ATG7: variants seen among roughly 807,000 people sequenced by gnomAD.
ATG7 encodes the protein autophagy related 7.
ATG7 carries 70 observed loss-of-function variants against 82.4 expected under a neutral mutation model. That is an observed-to-expected ratio of 0.85 (90% CI 0.70 to 1.04). ATG7 has a LOEUF of 1.04. ATG7 is among the 50% of genes least tolerant of loss of function. The probability of loss-of-function intolerance (pLI) is 0.00; values close to 1 mark genes in which losing one functional copy is unlikely to be tolerated. For synonymous variants in ATG7, 287 were observed against 313.0 expected, an observed-to-expected ratio of 0.92 and a Z score of 0.88; for missense variants, 792 against 864.3, an observed-to-expected ratio of 0.92 and a Z score of 1.05.
rs1270261408 is a variant in ATG7, at chr3:11,362,851, G to A, written c.1722G>A (p.Val574=). 6.2e-7 allele frequency: 1 copy of A among 1,614,114 alleles called. No homozygotes were observed. Among genetic ancestry groups the A allele is most frequent in the Admixed American group, 1.7e-5 (1 of 60,016 alleles). The stretch of plus-strand genomic sequence containing the variant: ...GGACCTTGGACCAGCAGTGCACTGT[G>A]AGTCGTCCAGGACTGGCCGTGATTG... The part of the protein sequence containing the change: ...RDRTLDQQCT[V]SRPGLAVIAG... Residue 574 remains valine (V), a synonymous_variant, in exon 17 of 21, where the codon GTG becomes GTA. Transcript: ENST00000693202.
rs146512941 is a variant in ATG7, at chr3:11,540,338, T to C, written c.2080-14473T>C. On this transcript the variant is annotated intron_variant, in intron 20 of 20. Transcript: ENST00000693202. ...CTCTGATGGGGAACATCTTTTCATG[T>C]ATTTATTTGCCACCTGTAGATCTTC... is the stretch of plus-strand genomic sequence containing the variant. 2.8e-3 allele frequency among the ~76,000 whole-genome samples: 429 copies of C among 152,322 alleles called. 1 individual carries two copies. Among genetic ancestry groups the C allele is most frequent in the African/African-American group, 9.8e-3 (408 of 41,570 alleles).
rs759619645 is a variant in ATG7 at position 11,340,774 on chromosome 3, G to C, written c.980+39G>C. The C allele has an allele frequency of 8.4e-5, 132 of 1,573,276 alleles. 4 individuals are homozygous for C. In the South Asian group the frequency reaches 1.4e-3, roughly 17 times the overall value. On this transcript the variant is annotated intron_variant, in intron 12 of 20. Transcript: ENST00000693202. Reference sequence around the variant, plus strand: ...GCTGTTTTCTCCAGTCGGGCTTTTTGTAACCAAGACACACACCAAGTTCTG... The same window carrying C: ...GCTGTTTTCTCCAGTCGGGCTTTTTCTAACCAAGACACACACCAAGTTCTG...
rs188223407 is a variant in ATG7 at position 11,352,333 on chromosome 3, G to A, written c.1284+4298G>A. 2.6e-3 allele frequency among the ~76,000 whole-genome samples: 397 copies of A among 152,290 alleles called. 1 individual carries two copies. The highest frequency in any genetic ancestry group is 9.1e-3 in the African/African-American group (377 of 41,560). ...ACATATGTGTGCATGTGTCTTTATA[G>A]CAGCATGATTTATAATTCTTTGGGT... On this transcript the variant is annotated intron_variant, in intron 14 of 20. Coordinates refer to ENST00000693202, the MANE Select transcript of ATG7 (RefSeq NM_001349232.2).
At chr3:11,494,274 T>C (rs144020423) in intron 20 of ATG7, among the ~76,000 whole-genome samples, 1,724 of 152,190 alleles carry the variant, frequency 0.011, 30 homozygotes, top group African/African-American at 0.039. Context: ...GAAGAGGAGT[T>C]GGTCAACAGG....
chr3:11,283,864 G>A (rs574239556), intron 3 of ATG7, among the ~76,000 whole-genome samples: 26 of 152,188 alleles, frequency 1.7e-4, no homozygotes, highest in African/African-American at 5.1e-4. Flanking sequence ...CCCGGTAGAC[G>A]GAGGTTGCAG....
At chr3:11,521,575 C>T (rs1342317774) in intron 20 of ATG7, among the ~76,000 whole-genome samples, 4 of 146,674 alleles carry the variant, frequency 2.7e-5, no homozygotes, top group Admixed American at 6.8e-5. Context: ...TTTTTTAAGA[C>T]GGAGTCTCGC....
chr3:11,509,433 T>C (rs2091930055), intron 20 of ATG7, among the ~76,000 whole-genome samples: 1 of 152,004 alleles, frequency 6.6e-6, no homozygotes, highest in Non-Finnish European at 1.5e-5. Flanking sequence ...GAGCTCCTGA[T>C]GGCCAGCCAC....
intron 18 of ATG7, among the ~76,000 whole-genome samples, chr3:11,377,401 C>T (rs1407106769): frequency 1.3e-5 from 2 of 152,132 alleles, no homozygotes; most frequent in African/African-American, 2.4e-5. Flanking sequence ...CAACCAATAC[C>T]GTGCACGGCA....
chr3:11,343,263 A>C (rs923199691), intron 13 of ATG7, among the ~76,000 whole-genome samples: 1 of 152,178 alleles, frequency 6.6e-6, no homozygotes, highest in Non-Finnish European at 1.5e-5. Context: ...CCTTCCAAAA[A>C]TGTTACACAT....
intron 13 of ATG7, 83 bp downstream of exon 13, chr3:11,342,362 C>T: frequency 6.8e-7 from 1 of 1,466,522 alleles, no homozygotes; most frequent in Non-Finnish European, 9.1e-7. Context: ...TGCCTTCCAT[C>T]TCCCAGCTCC....
intron 20 of ATG7, among the ~76,000 whole-genome samples, chr3:11,535,672 CCT>C (rs2070208623): frequency 1.3e-5 from 2 of 152,018 alleles, no homozygotes; most frequent in Admixed American, 6.6e-5. Flanking sequence ...AGGGCTCGGC[CCT>C]CTCTCTTTTC....
At chr3:11,499,180 C>T (rs2091117266) in intron 20 of ATG7, among the ~76,000 whole-genome samples, 1 of 152,152 alleles carries the variant, frequency 6.6e-6, no homozygotes, top group Non-Finnish European at 1.5e-5. Flanking sequence ...CAGTTATTTA[C>T]TAATGGGCTG....
chr3:11,510,373 G>T (rs1458723637), intron 20 of ATG7: 2 of 400,552 alleles, frequency 5.0e-6, no homozygotes, highest in East Asian at 8.1e-5. Flanking sequence ...GTTTGTCCCT[G>T]CCCCAGTTTA....
rs554172389 is a variant in ATG7, at chr3:11,382,620, A to C, written c.1956+2568A>C. Among the ~76,000 whole-genome samples the C allele has an allele frequency of 3.3e-5, 5 of 152,290 alleles. 1 individual carries two copies. The highest frequency in any genetic ancestry group is 1.2e-4 in the African/African-American group (5 of 41,554). On this transcript the variant is annotated intron_variant, in intron 19 of 20. Coordinates refer to ENST00000693202, the MANE Select transcript of ATG7 (RefSeq NM_001349232.2). ...TTGACGTTTATATGAGTTGCTCTTT[A>C]CTTCTACAAAGAAATTCCAAGCTAA...
chr3:11,553,400 G>T lies in ATG7; in HGVS notation c.2080-1411G>T, dbSNP rs562438742. Among the ~76,000 whole-genome samples, 11 of 147,238 alleles carry T rather than the reference G, an allele frequency of 7.5e-5. No individual in the cohort carries two copies. The East Asian group carries it at 2.3e-3, about 30-fold the overall frequency. ...ATGTGTGTTCGTTGAATGGGAGAGT[G>T]AAAGAATGGATGGATTGTGCTGGCA... On this transcript the variant is annotated intron_variant, in intron 20 of 20. Coordinates refer to ENST00000693202, the MANE Select transcript of ATG7 (RefSeq NM_001349232.2).
intron 20 of ATG7, among the ~76,000 whole-genome samples, chr3:11,491,171 CT>C (rs1170391261): frequency 6.6e-6 from 1 of 152,130 alleles, no homozygotes; most frequent in African/African-American, 2.4e-5. Flanking sequence ...TTGTTCGTTT[CT>C]TTTTATTCTT....
chr3:11,539,945 G>A (rs1309714421), intron 20 of ATG7, among the ~76,000 whole-genome samples: 1 of 152,202 alleles, frequency 6.6e-6, no homozygotes, highest in Non-Finnish European at 1.5e-5. Flanking sequence ...CTGTGTGAGT[G>A]TACCAGAATT....
chr3:11,569,587 G>A, the ATG7 span, among the ~76,000 whole-genome samples: 1 of 152,230 alleles, frequency 6.6e-6, no homozygotes, highest in Non-Finnish European at 1.5e-5. Context: ...GCCGGCACAG[G>A]GCCAGTGAGT....
chr3:11,506,587 C>CAAAAAAAAAAAAAAAAAAAAA (rs1275955326), intron 20 of ATG7, among the ~76,000 whole-genome samples: 1 of 119,514 alleles, frequency 8.4e-6, no homozygotes, highest in African/African-American at 3.5e-5. Context: ...AAAAAAAACC[C>CAAAAAAAAAAAAAAAAAAAAA]AAAAATTAGC....
Sources: gnomAD v4.1 joint callset for allele counts (sites outside exome capture counted in the v4.1 genomes callset) on GRCh38, gnomAD v4.1.1 for gene constraint, MANE v1.5 for transcripts, NCBI Gene and HGNC (gene_info 2026-07-23, HGNC 2026-07-21) for gene names.